Variants in MYCT1 observed in about 807,000 individuals in gnomAD.
The protein encoded by MYCT1 is myc target protein 1.
Under a neutral mutation model 15.0 loss-of-function variants are expected in MYCT1, and 12 were observed. That is an observed-to-expected ratio of 0.80 (90% confidence interval 0.51 to 1.29). MYCT1 has a LOEUF of 1.29. Among genes scored for constraint, MYCT1 ranks in the 50% most tolerant of loss-of-function variants. The probability of loss-of-function intolerance (pLI) is 0.00; values close to 1 mark genes in which losing one functional copy is unlikely to be tolerated. For synonymous variants in MYCT1, 104 were observed against 102.7 expected, an observed-to-expected ratio of 1.01 and a Z score of -0.07; for missense variants, 287 against 279.1, an observed-to-expected ratio of 1.03 and a Z score of -0.20.
the MYCT1 span, among the ~76,000 whole-genome samples, chr6:152,737,516 A>G: frequency 6.6e-6 from 1 of 152,066 alleles, no homozygotes; most frequent in East Asian, 1.9e-4. Flanking sequence ...GCTCCAGAAC[A>G]CCTGTCTTAG....
In MYCT1 at chr6:152,698,104, G is replaced by T. The variant is rs2099720717; in HGVS notation, c.196+6G>T. 1.3e-6 allele frequency: 2 copies of T among 1,525,234 alleles called. No homozygotes were observed. The highest frequency in any genetic ancestry group is 2.4e-5 in the East Asian group (1 of 41,842). 94.5% of individuals were successfully genotyped at this position (1,525,234 alleles called of 1,614,324 possible). On this transcript the variant is annotated splice_donor_region_variant and intron_variant, in intron 1 of 1. Transcript: ENST00000367245. Reference sequence around the variant, plus strand: ...ATGGCCAGAAAACTTTTGGGGTAAGGTATTTTCTTTTACTGTTTAAAATTT... The same window carrying T: ...ATGGCCAGAAAACTTTTGGGGTAAGTTATTTTCTTTTACTGTTTAAAATTT...
At chr6:152,720,187 G>T (rs948971878) in intron 1 of MYCT1, among the ~76,000 whole-genome samples, 2 of 148,512 alleles carry the variant, frequency 1.3e-5, no homozygotes, top group Non-Finnish European at 2.9e-5. Flanking sequence ...CCTGGGCCAT[G>T]TGTCTCTCAT....
chr6:152,721,140 G>C (rs1256566622), intron 1 of MYCT1, among the ~76,000 whole-genome samples: 1 of 152,186 alleles, frequency 6.6e-6, no homozygotes, highest in Non-Finnish European at 1.5e-5. Context: ...AGTCATCAAA[G>C]AGTCAGAGAT....
the MYCT1 span, among the ~76,000 whole-genome samples, chr6:152,732,745 C>T: frequency 6.6e-6 from 1 of 152,094 alleles, no homozygotes; most frequent in Non-Finnish European, 1.5e-5. Flanking sequence ...GGCACAGACA[C>T]AAAGAAGAGA....
At chr6:152,713,358 C>T (rs2129069584) in intron 1 of MYCT1, among the ~76,000 whole-genome samples, 1 of 152,014 alleles carries the variant, frequency 6.6e-6, no homozygotes, top group South Asian at 2.1e-4. Flanking sequence ...AAATTTTTGT[C>T]TGCTAATTAT....
chr6:152,726,213 A>G (rs914860182), downstream of MYCT1, among the ~76,000 whole-genome samples: 48 of 152,226 alleles, frequency 3.2e-4, no homozygotes, highest in Non-Finnish European at 4.7e-4. Context: ...CCTGACCAAC[A>G]TGGAGAAACC....
intron 1 of MYCT1, among the ~76,000 whole-genome samples, chr6:152,708,140 T>G (rs1301017599): frequency 1.3e-5 from 2 of 151,970 alleles, no homozygotes; most frequent in Non-Finnish European, 2.9e-5. Context: ...CTCTCCACTT[T>G]TTAGACCTTT....
chr6:152,730,823 C>T, the MYCT1 span, among the ~76,000 whole-genome samples: 1 of 152,024 alleles, frequency 6.6e-6, no homozygotes, highest in Non-Finnish European at 1.5e-5. Flanking sequence ...TACAGGGATT[C>T]AATATATACT....
downstream of MYCT1, among the ~76,000 whole-genome samples, chr6:152,729,008 C>T (rs2099726117): frequency 6.6e-6 from 1 of 152,308 alleles, no homozygotes; most frequent in Non-Finnish European, 1.5e-5. Flanking sequence ...TCAAGAACAA[C>T]ATGTGCTTTC....
intron 1 of MYCT1, among the ~76,000 whole-genome samples, chr6:152,708,606 T>A (rs900786283): frequency 6.6e-6 from 1 of 152,076 alleles, no homozygotes; most frequent in Non-Finnish European, 1.5e-5. Flanking sequence ...ACATATTAAA[T>A]CTATATAAAC....
the MYCT1 span, among the ~76,000 whole-genome samples, chr6:152,736,519 T>C: frequency 6.6e-6 from 1 of 152,114 alleles, no homozygotes; most frequent in Admixed American, 6.6e-5. Flanking sequence ...AGGGAATCGA[T>C]AAATTTTGAA....
intron 1 of MYCT1, chr6:152,706,096 A>T (rs2099722214): frequency 6.6e-7 from 1 of 1,524,288 alleles, no homozygotes; most frequent in African/African-American, 1.4e-5. Flanking sequence ...AATGGGTGGA[A>T]TGGGAGGTGG....
intron 1 of MYCT1, among the ~76,000 whole-genome samples, chr6:152,700,951 C>G (rs1384489489): frequency 6.6e-6 from 1 of 152,078 alleles, no homozygotes; most frequent in Non-Finnish European, 1.5e-5. Flanking sequence ...CTCTTGGAGG[C>G]AATTATGCGT....
chr6:152,730,370 A>G, the MYCT1 span, among the ~76,000 whole-genome samples: 1 of 152,224 alleles, frequency 6.6e-6, no homozygotes, highest in African/African-American at 2.4e-5. Flanking sequence ...ACACCAGCCC[A>G]TGCTCCCCGG....
chr6:152,728,860 C>T (rs111584175), downstream of MYCT1, among the ~76,000 whole-genome samples: 7 of 152,188 alleles, frequency 4.6e-5, no homozygotes, highest in Middle Eastern at 3.4e-3. Flanking sequence ...GAGCTGTGAT[C>T]GTGCCACTGT....
At position 152,699,589 on chromosome 6, in the gene MYCT1, C is replaced by T. The variant is rs191463338; in HGVS notation, c.196+1491C>T. On this transcript the variant is annotated intron_variant, in intron 1 of 1. Transcript: ENST00000367245. ...TTATAGAGAAAATAAGTGCTAAATG[C>T]ACACTGAAAAAGAGCTAGAGTCTGT... is the stretch of plus-strand genomic sequence containing the variant. Among the ~76,000 whole-genome samples, 152 of 152,118 alleles carry T rather than the reference C, an allele frequency of 1.0e-3. 2 individuals are homozygous for T. In the East Asian group the frequency reaches 0.021, roughly 21 times the overall value.
the MYCT1 span, among the ~76,000 whole-genome samples, chr6:152,729,860 A>G: frequency 6.6e-6 from 1 of 152,182 alleles, no homozygotes; most frequent in Non-Finnish European, 1.5e-5. Flanking sequence ...GGGTAGATCC[A>G]GTGGCCTTTG....
Position 152,721,873 on chromosome 6 carries a change from A to C in MYCT1, c.328A>C (p.Arg110=). Residue 110 remains arginine, a synonymous_variant, in exon 2 of 2, where the codon AGG becomes CGG. Transcript: ENST00000367245. ...SAPISQWSSS[R]RSRSSYTHGL... is the part of the protein sequence containing the mutation. The stretch of plus-strand genomic sequence containing the variant: ...TCCCATCTCACAGTGGAGTTCAAGC[A>C]GGAGATCTAGGTCTTCTTACACCCA... 6.2e-7 allele frequency: 1 copy of C among 1,614,072 alleles called. No homozygotes were observed. Among genetic ancestry groups the C allele is most frequent in the Non-Finnish European group, 8.5e-7 (1 of 1,180,000 alleles).
At chr6:152,730,908 G>A in the MYCT1 span, among the ~76,000 whole-genome samples, 1 of 152,028 alleles carries the variant, frequency 6.6e-6, no homozygotes, top group East Asian at 1.9e-4. Flanking sequence ...AGCAACTGCT[G>A]GCAAAATTAA....
Sources: gnomAD v4.1 joint callset for allele counts (sites outside exome capture counted in the v4.1 genomes callset) on GRCh38, gnomAD v4.1.1 for gene constraint, MANE v1.5 for transcripts, NCBI Gene and HGNC (gene_info 2026-07-23, HGNC 2026-07-21) for gene names.